The following FSIP1 variants were observed in gnomAD, a reference collection of about 807,000 sequenced individuals.
FSIP1 encodes the protein fibrous sheath-interacting protein 1.
In FSIP1, 65 loss-of-function variants were observed where a neutral mutation model predicts 60.9. The observed-to-expected ratio is 1.07, with a 90% CI of 0.87 to 1.31. The LOEUF is 1.31. Ranked by LOEUF, FSIP1 falls within the 40% of genes most tolerant of loss-of-function variation. The probability of loss-of-function intolerance (pLI) is 0.00; values close to 1 mark genes in which losing one functional copy is unlikely to be tolerated. For synonymous variants in FSIP1, 209 were observed against 221.2 expected, an observed-to-expected ratio of 0.94 and a Z score of 0.49; for missense variants, 675 against 665.5, an observed-to-expected ratio of 1.01 and a Z score of -0.16.
At chr15:39,627,693 T>C (rs1289048412) in intron 10 of FSIP1, among the ~76,000 whole-genome samples, 1 of 152,202 alleles carries the variant, frequency 6.6e-6, no homozygotes, top group Admixed American at 6.5e-5. Flanking sequence ...TCTGCATATG[T>C]CCCACAAGAT....
chr15:39,762,032 G>A (rs1897517883), intron 5 of FSIP1, among the ~76,000 whole-genome samples: 1 of 152,178 alleles, frequency 6.6e-6, no homozygotes, highest in African/African-American at 2.4e-5. Context: ...AGGTCAGGGG[G>A]CCGTATGTCT....
intron 8 of FSIP1, among the ~76,000 whole-genome samples, chr15:39,728,501 G>C (rs1427226958): frequency 6.6e-6 from 1 of 152,148 alleles, no homozygotes; most frequent in Admixed American, 6.6e-5. Context: ...ACAACCATCT[G>C]ATCTTCAACA....
intron 2 of FSIP1, among the ~76,000 whole-genome samples, chr15:39,773,887 A>G (rs1897969204): frequency 6.6e-6 from 1 of 152,238 alleles, no homozygotes; most frequent in Non-Finnish European, 1.5e-5. Context: ...AAAGGAATAG[A>G]ATGAAAAAAT....
intron 10 of FSIP1, among the ~76,000 whole-genome samples, chr15:39,693,291 G>T (rs1358759415): frequency 6.6e-6 from 1 of 152,114 alleles, no homozygotes; most frequent in Non-Finnish European, 1.5e-5. Context: ...TTATGGTCTG[G>T]TAGCTCCTGA....
intron 10 of FSIP1, among the ~76,000 whole-genome samples, chr15:39,644,305 A>G (rs1892498738): frequency 6.6e-6 from 1 of 152,154 alleles, no homozygotes; most frequent in African/African-American, 2.4e-5. Context: ...CCATGTCCGT[A>G]TCAATTAGGC....
intron 10 of FSIP1, among the ~76,000 whole-genome samples, chr15:39,671,531 A>G (rs1183413605): frequency 1.3e-5 from 2 of 152,098 alleles, no homozygotes; most frequent in Non-Finnish European, 2.9e-5. Context: ...CTATGCTACT[A>G]CCCCACTCCT....
At chr15:39,741,661 A>G (rs1019398638) in intron 6 of FSIP1, 144 bp downstream of exon 6, 4 of 506,606 alleles carry the variant, frequency 7.9e-6, no homozygotes, top group Non-Finnish European at 1.4e-5. Flanking sequence ...TGCAACAATA[A>G]CCAATCTTGT....
intron 10 of FSIP1, among the ~76,000 whole-genome samples, chr15:39,659,387 G>A (rs922857840): frequency 2.6e-5 from 4 of 151,638 alleles, no homozygotes; most frequent in African/African-American, 7.3e-5. Context: ...CTAAAAATAC[G>A]AAAAATTAGC....
intron 10 of FSIP1, among the ~76,000 whole-genome samples, chr15:39,653,150 T>C (rs1892941197): frequency 6.8e-6 from 1 of 147,854 alleles, no homozygotes; most frequent in Non-Finnish European, 1.5e-5. Context: ...CACCGTAGCC[T>C]GTGTGACGGA....
chr15:39,625,168 G>T (rs1013985571), intron 10 of FSIP1, among the ~76,000 whole-genome samples: 3 of 152,192 alleles, frequency 2.0e-5, no homozygotes, highest in Non-Finnish European at 4.4e-5. Context: ...CCTGGTGAGA[G>T]GCTGCTGTGG....
At chr15:39,687,175 T>C (rs1894415193) in intron 10 of FSIP1, among the ~76,000 whole-genome samples, 1 of 124,452 alleles carries the variant, frequency 8.0e-6, no homozygotes, top group Admixed American at 9.7e-5. Flanking sequence ...TGAGACAGAG[T>C]TTTGCTCTTG....
intron 5 of FSIP1, among the ~76,000 whole-genome samples, chr15:39,755,167 T>C (rs990097814): frequency 1.3e-5 from 2 of 151,924 alleles, no homozygotes; most frequent in African/African-American, 2.4e-5. Context: ...GAGTTAAACA[T>C]GGTAAGTTAA....
At chr15:39,602,353 C>T (rs768665626) in intron 11 of FSIP1, 10 of 456,174 alleles carry the variant, frequency 2.2e-5, no homozygotes, top group Non-Finnish European at 4.4e-5. Flanking sequence ...CCTAGGGCCT[C>T]CAGGTGGCGT....
At chr15:39,687,053 C>A (rs1894399573) in intron 10 of FSIP1, among the ~76,000 whole-genome samples, 1 of 151,928 alleles carries the variant, frequency 6.6e-6, no homozygotes, top group African/African-American at 2.4e-5. Flanking sequence ...CTGTGTCCTT[C>A]CCTGCTTTGC....
At chr15:39,693,092 G>A (rs1894670382) in intron 10 of FSIP1, among the ~76,000 whole-genome samples, 1 of 152,218 alleles carries the variant, frequency 6.6e-6, no homozygotes, top group Non-Finnish European at 1.5e-5. Flanking sequence ...TGCCGCCAAA[G>A]TGCTGACTAA....
intron 3 of FSIP1, among the ~76,000 whole-genome samples, 178 bp downstream of exon 3, chr15:39,770,249 A>ATATTGTT (rs1237982093): frequency 6.6e-6 from 1 of 152,198 alleles, no homozygotes; most frequent in Non-Finnish European, 1.5e-5. Context: ...AGGGCTCTTA[A>ATATTGTT]TATTGTTATA....
intron 10 of FSIP1, among the ~76,000 whole-genome samples, chr15:39,708,338 T>G (rs927681526): frequency 8.5e-5 from 13 of 152,062 alleles, no homozygotes; most frequent in Non-Finnish European, 2.9e-5. Flanking sequence ...ACTTCAACAC[T>G]CTCTCTACCC....
intron 10 of FSIP1, among the ~76,000 whole-genome samples, chr15:39,691,678 A>G (rs1479988608): frequency 6.6e-6 from 1 of 152,196 alleles, no homozygotes; most frequent in Non-Finnish European, 1.5e-5. Context: ...TGATGGGTAC[A>G]CTTTTTTTCA....
intron 10 of FSIP1, among the ~76,000 whole-genome samples, chr15:39,641,670 T>C (rs1282720997): frequency 1.4e-5 from 2 of 147,412 alleles, no homozygotes; most frequent in South Asian, 2.2e-4. Flanking sequence ...GCATGAACTA[T>C]GAGTCATAGC....
Sources: gnomAD v4.1 joint callset for allele counts (sites outside exome capture counted in the v4.1 genomes callset) on GRCh38, gnomAD v4.1.1 for gene constraint, MANE v1.5 for transcripts, NCBI Gene and HGNC (gene_info 2026-07-23, HGNC 2026-07-21) for gene names.